Variants in CLSTN2 observed in about 807,000 individuals in gnomAD.
The protein encoded by CLSTN2 is calsyntenin-2.
CLSTN2 carries 48 observed loss-of-function variants against 101.2 expected under a neutral mutation model. The observed-to-expected ratio is 0.47, with a 90% CI of 0.38 to 0.60. The LOEUF (loss-of-function observed/expected upper bound fraction) is 0.60, where lower values mean the gene tolerates loss of function less well. Ranked by LOEUF, CLSTN2 falls within the 20% of genes least tolerant of loss-of-function variation. CLSTN2 has a pLI of 0.00. For synonymous variants in CLSTN2, 481 were observed against 463.6 expected, an observed-to-expected ratio of 1.04 and a Z score of -0.48; for missense variants, 1,160 against 1,238.2, an observed-to-expected ratio of 0.94 and a Z score of 0.95.
intron 1 of CLSTN2, among the ~76,000 whole-genome samples, chr3:139,942,843 C>CAGG (rs1935155497): frequency 6.6e-6 from 1 of 152,160 alleles, no homozygotes. Context: ...AAGCCCATTT[C>CAGG]TTTCACTACT....
intron 2 of CLSTN2, among the ~76,000 whole-genome samples, chr3:140,232,458 G>A (rs766103229): frequency 2.2e-4 from 34 of 151,906 alleles, no homozygotes; most frequent in Non-Finnish European, 3.8e-4. Context: ...GGGTCCCCTT[G>A]GACTCTCTGC....
At chr3:140,012,642 A>G (rs1057284056) in intron 1 of CLSTN2, among the ~76,000 whole-genome samples, 7 of 152,100 alleles carry the variant, frequency 4.6e-5, no homozygotes, top group Admixed American at 2.6e-4. Context: ...ACTGCATCTC[A>G]TCGACTCTCC....
chr3:140,281,101 G>C (rs1317622612), intron 2 of CLSTN2, among the ~76,000 whole-genome samples: 1 of 152,226 alleles, frequency 6.6e-6, no homozygotes, highest in Non-Finnish European at 1.5e-5. Flanking sequence ...CTAAATGGGA[G>C]TGTGAGTCCA....
intron 2 of CLSTN2, among the ~76,000 whole-genome samples, chr3:140,366,646 C>T (rs924756324): frequency 6.6e-6 from 1 of 152,148 alleles, no homozygotes. Flanking sequence ...CTCTGCAATT[C>T]CCTCCACTCT....
In CLSTN2 at chr3:140,571,843, G is replaced by A. The variant is rs1985562766; in HGVS notation, c.*5590G>A. The A allele has an allele frequency of 6.6e-6, 1 of 152,216 alleles. No homozygotes were observed. The highest frequency in any genetic ancestry group is 2.1e-4 in the South Asian group (1 of 4,830). The allele number at this position is 152,216 out of a possible 1,614,324, so 9.4% of individuals were successfully genotyped here. ...GAGCCAGGCTTCATTCCATCCCAGGGAGACAAAAAGAGACAGAAGAAGTTA... is the reference window on the plus strand; with the variant it reads ...GAGCCAGGCTTCATTCCATCCCAGGAAGACAAAAAGAGACAGAAGAAGTTA... On this transcript the variant is annotated 3_prime_UTR_variant, in exon 17 of 17. Transcript: ENST00000458420.
chr3:140,459,590 T>C lies in CLSTN2; in HGVS notation c.1043T>C (p.Leu348Pro). ...SAATNWTAGLLVDSSEMIFKF... is the reference protein window; with the variant it reads ...SAATNWTAGLPVDSSEMIFKF... ...GCCACCAACTGGACTGCAGGACTGC[T>C]GGTGGACAGCAGTGAGATGATCTTC... Residue 348 changes from leucine (L) to proline (P), a missense_variant, in exon 7 of 17, where the codon CTG (leucine) becomes CCG (proline). Physicochemically the swap from Leu to Pro is moderately conservative, Grantham distance 98. Transcript: ENST00000458420. 1 of 1,614,156 alleles carries C rather than the reference T, an allele frequency of 6.2e-7. No individual in the cohort carries two copies. Among genetic ancestry groups the C allele is most frequent in the Non-Finnish European group, 8.5e-7 (1 of 1,180,004 alleles).
chr3:140,076,545 T>G (rs1415519642), intron 1 of CLSTN2, among the ~76,000 whole-genome samples: 1 of 149,730 alleles, frequency 6.7e-6, no homozygotes, highest in Non-Finnish European at 1.5e-5. Flanking sequence ...TGGATGTCAA[T>G]GCCGGCCTCC....
chr3:140,520,570 C>T (rs1353372934), intron 8 of CLSTN2, among the ~76,000 whole-genome samples: 1 of 152,192 alleles, frequency 6.6e-6, no homozygotes, highest in Non-Finnish European at 1.5e-5. Flanking sequence ...CCACCCTTGA[C>T]ATGTGGGGAT....
chr3:140,223,937 C>A (rs114701988), intron 2 of CLSTN2, among the ~76,000 whole-genome samples: 1 of 152,116 alleles, frequency 6.6e-6, no homozygotes, highest in East Asian at 1.9e-4. Context: ...GAGTGTGTGC[C>A]GTCCTCTGTA....
chr3:140,462,917 T>C (rs189731964), intron 7 of CLSTN2: 6 of 152,368 alleles, frequency 3.9e-5, no homozygotes, highest in East Asian at 1.9e-4. Context: ...TGACTTCTAA[T>C]ACACATTCCA....
chr3:140,070,590 TA>T (rs1480169680), intron 1 of CLSTN2, among the ~76,000 whole-genome samples: 1 of 151,998 alleles, frequency 6.6e-6, no homozygotes, highest in Non-Finnish European at 1.5e-5. Flanking sequence ...AGAAAGAGTA[TA>T]TTTTTTGGAT....
At chr3:140,168,376 A>T (rs1487828071) in intron 1 of CLSTN2, among the ~76,000 whole-genome samples, 2 of 152,124 alleles carry the variant, frequency 1.3e-5, no homozygotes, top group African/African-American at 4.8e-5. Context: ...AAATTGTCTT[A>T]TTTAATTGAA....
intron 8 of CLSTN2, among the ~76,000 whole-genome samples, chr3:140,476,053 C>T (rs1933975806): frequency 6.6e-6 from 1 of 152,192 alleles, no homozygotes; most frequent in African/African-American, 2.4e-5. Context: ...CATGCTTCTA[C>T]CTTTCTCGTT....
intron 7 of CLSTN2, among the ~76,000 whole-genome samples, chr3:140,463,039 G>A (rs1933599895): frequency 6.6e-6 from 1 of 152,230 alleles, no homozygotes; most frequent in African/African-American, 2.4e-5. Flanking sequence ...ACATAGCCAT[G>A]TGTCTACCTT....
chr3:140,431,595 C>T (rs1015596643), intron 5 of CLSTN2, among the ~76,000 whole-genome samples: 6 of 152,182 alleles, frequency 3.9e-5, no homozygotes, highest in Admixed American at 3.3e-4. Flanking sequence ...TCCCTGTCCC[C>T]GTTTTTGACT....
chr3:140,094,799 T>C (rs1224229028), intron 1 of CLSTN2, among the ~76,000 whole-genome samples: 5 of 152,206 alleles, frequency 3.3e-5, no homozygotes, highest in South Asian at 2.1e-4. Context: ...TCCTTGAATA[T>C]GGAAATTGGC....
intron 2 of CLSTN2, among the ~76,000 whole-genome samples, chr3:140,360,378 T>C (rs2087716730): frequency 6.6e-6 from 1 of 152,136 alleles, no homozygotes; most frequent in Non-Finnish European, 1.5e-5. Context: ...AAAATCCATA[T>C]AGTGAAAAGT....
In CLSTN2 at chr3:140,576,310, T is replaced by C. The variant is rs1469302234; in HGVS notation, c.*10057T>C. ...CAGCTGTTTCTACAAGCTAAAGTTG[T>C]AGCTTCTCTCTACCACTGTCTAAAG... On this transcript the variant is annotated 3_prime_UTR_variant, in exon 17 of 17. Transcript: ENST00000458420. The C allele has an allele frequency of 1.3e-5, 2 of 152,334 alleles. No individual in the cohort carries two copies. The highest frequency in any genetic ancestry group is 3.9e-4 in the East Asian group (2 of 5,182). The allele number at this position is 152,334 out of a possible 1,614,324, so 9.4% of individuals were successfully genotyped here. A position where few individuals can be genotyped will look rare whatever the true frequency, so the allele number is the denominator to read the frequency against.
rs1005183003 is a variant in CLSTN2, at chr3:140,414,274, T to A, written c.638-6851T>A. ...ACAACAAACTATCCAAAAAAATTTT[T>A]AAAAATGCATTTACAATAGCATCAA... On this transcript the variant is annotated intron_variant, in intron 4 of 16. Coordinates refer to ENST00000458420, the MANE Select transcript of CLSTN2 (RefSeq NM_022131.3). Among the ~76,000 whole-genome samples, 5 of 152,048 alleles carry A rather than the reference T, an allele frequency of 3.3e-5. No homozygotes were observed. The East Asian group carries it at 5.8e-4, about 18-fold the overall frequency.
Sources: gnomAD v4.1 joint callset for allele counts (sites outside exome capture counted in the v4.1 genomes callset) on GRCh38, gnomAD v4.1.1 for gene constraint, MANE v1.5 for transcripts, NCBI Gene and HGNC (gene_info 2026-07-23, HGNC 2026-07-21) for gene names.